The following SMARCD2 variants were observed in gnomAD, a reference collection of about 807,000 sequenced individuals.
SMARCD2 encodes the protein SWI/SNF-related matrix-associated actin-dependent regulator of chromatin subfamily D member 2.
A neutral mutation model predicts 70.4 loss-of-function variants in SMARCD2; 39 were observed. That is an observed-to-expected ratio of 0.55 (90% CI 0.43 to 0.72). The LOEUF (loss-of-function observed/expected upper bound fraction) is 0.72, where lower values mean the gene tolerates loss of function less well. Among genes scored for constraint, SMARCD2 ranks in the 30% least tolerant of loss-of-function variants. SMARCD2 has a pLI of 0.00. For synonymous variants in SMARCD2, 249 were observed against 279.4 expected (o/e 0.89, Z 1.08); for missense variants, 540 against 713.4 (o/e 0.76, Z 2.77).
In SMARCD2 at chr17:63,837,058, G is replaced by A. The variant is rs755843163; in HGVS notation, c.445-14C>T. 10 of 1,613,014 alleles carry A rather than the reference G, an allele frequency of 6.2e-6. No homozygotes were observed. The South Asian group carries it at 1.1e-4, about 18-fold the overall frequency. On this transcript the variant is annotated splice_polypyrimidine_tract_variant and intron_variant, in intron 3 of 12. Transcript: ENST00000448276. This position sits in a 1 kb window ranked among gnomAD's most constrained non-coding sequence, Gnocchi z 6.4. Reference sequence around the variant, plus strand: ...AAGCTCCCGGATCTGAAGGAAGGTAGCAGAAGCTCATCAGCTTGCTTCAGC... The same window carrying A: ...AAGCTCCCGGATCTGAAGGAAGGTAACAGAAGCTCATCAGCTTGCTTCAGC...
intron 1 of SMARCD2, among the ~76,000 whole-genome samples, chr17:63,840,131 A>G (rs1904399076): frequency 6.8e-6 from 1 of 146,278 alleles, no homozygotes; most frequent in Admixed American, 6.9e-5. Context: ...TCCGTATCAG[A>G]AAAAAAAAAA....
At chr17:63,842,360 T>C in intron 1 of SMARCD2, 99 bp downstream of exon 1, 14 of 1,203,008 alleles carry the variant, frequency 1.2e-5, no homozygotes, top group South Asian at 2.2e-5. Context: ...GAGTTCCTCA[T>C]GCATTCCCCA....
At position 63,832,855 on chromosome 17, in the gene SMARCD2, C is replaced by G; in HGVS notation, c.*83G>C. The G allele has an allele frequency of 8.5e-7, 1 of 1,172,420 alleles. No homozygotes were observed. Among genetic ancestry groups the G allele is most frequent in the Non-Finnish European group, 1.2e-6 (1 of 802,800 alleles). 72.6% of individuals were successfully genotyped at this position (1,172,420 alleles called of 1,614,324 possible). The stretch of plus-strand genomic sequence containing the variant: ...TGACAGCAGACACTCCTCACCCCAG[C>G]CTACGTGTCTGCGGCCCCAGCAAGG... On this transcript the variant is annotated 3_prime_UTR_variant, in exon 13 of 13. Coordinates refer to ENST00000448276, the MANE Select transcript of SMARCD2 (RefSeq NM_001098426.2).
In SMARCD2 at chr17:63,837,329, C is replaced by G. The variant is rs1440486999; in HGVS notation, c.402-92G>C. 6.6e-7 allele frequency: 1 copy of G among 1,508,116 alleles called. No homozygotes were observed. Among genetic ancestry groups the G allele is most frequent in the African/African-American group, 1.4e-5 (1 of 72,872 alleles). 93.4% of individuals were successfully genotyped at this position (1,508,116 alleles called of 1,614,324 possible). On this transcript the variant is annotated intron_variant, in intron 2 of 12. Transcript: ENST00000448276. The surrounding 1 kb of genome is among the most constrained non-coding windows in gnomAD (Gnocchi z 6.4). ...CCCTCCAGTCTCCAGGACCCTCTCC[C>G]CCAGGAGAGCCTGGAGTCATCCTCA...
chr17:63,836,743 A>G lies in SMARCD2; in HGVS notation c.567+179T>C, dbSNP rs1053727142. 3 of 609,428 alleles carry G rather than the reference A, an allele frequency of 4.9e-6. No individual in the cohort carries two copies. The African/African-American group carries it at 5.5e-5, about 11-fold the overall frequency. 37.8% of individuals were successfully genotyped at this position (609,428 alleles called of 1,614,324 possible). A position where few individuals can be genotyped will look rare whatever the true frequency, so the allele number is the denominator to read the frequency against. On this transcript the variant is annotated intron_variant, in intron 4 of 12. Coordinates refer to ENST00000448276, the MANE Select transcript of SMARCD2 (RefSeq NM_001098426.2). Reference sequence around the variant, plus strand: ...AAGTATTTTAAGATTTTCTACTGTCATATATTCATTTAAAACATACTGGCC... The same window carrying G: ...AAGTATTTTAAGATTTTCTACTGTCGTATATTCATTTAAAACATACTGGCC...
Position 63,832,210 on chromosome 17 carries a change from A to T in SMARCD2, c.*728T>A, listed in dbSNP as rs2040199636. 1 of 568,934 alleles carries T rather than the reference A, an allele frequency of 1.8e-6. No individual in the cohort carries two copies. The highest frequency in any genetic ancestry group is 1.9e-5 in the African/African-American group (1 of 53,184). 35.2% of individuals were successfully genotyped at this position (568,934 alleles called of 1,614,324 possible). ...TCCTCCCAGCCTCCCCATTCACCTTACCCTGGCCTCCACATGCACATACCC... is the reference window on the plus strand; with the variant it reads ...TCCTCCCAGCCTCCCCATTCACCTTTCCCTGGCCTCCACATGCACATACCC... On this transcript the variant is annotated 3_prime_UTR_variant, in exon 13 of 13. Coordinates refer to ENST00000448276, the MANE Select transcript of SMARCD2 (RefSeq NM_001098426.2).
chr17:63,842,482 C>T lies in SMARCD2; in HGVS notation c.193G>A (p.Ala65Thr), dbSNP rs1321810212. ...GAAAFRPMGP[A>T]GPAAQYQRPG... The stretch of plus-strand genomic sequence containing the variant: ...ACCTGGTACTGCGCCGCGGGGCCCG[C>T]GGGGCCCATGGGGCGGAAGGCGGCG... Residue 65 changes from alanine (A) to threonine (T), a missense_variant, in exon 1 of 13, where the codon GCG becomes ACG. Physicochemically the swap from Ala to Thr is moderately conservative, Grantham distance 58. Transcript: ENST00000448276. The T allele has an allele frequency of 4.8e-6, 6 of 1,250,394 alleles. No individual in the cohort carries two copies. The African/African-American group carries it at 6.3e-5, about 13-fold the overall frequency. 77.5% of individuals were successfully genotyped at this position (1,250,394 alleles called of 1,614,324 possible).
chr17:63,832,210 ACCCTG>A lies in SMARCD2; in HGVS notation c.*723_*727del. 1 of 569,052 alleles carries A rather than the reference ACCCTG, an allele frequency of 1.8e-6. No individual in the cohort carries two copies. Among genetic ancestry groups the A allele is most frequent in the South Asian group, 2.0e-5 (1 of 50,016 alleles). 35.3% of individuals were successfully genotyped at this position (569,052 alleles called of 1,614,324 possible). A position where few individuals can be genotyped will look rare whatever the true frequency, so the allele number is the denominator to read the frequency against. ...TCCTCCCAGCCTCCCCATTCACCTT[ACCCTG>A]GCCTCCACATGCACATACCCCATAC... On this transcript the variant is annotated 3_prime_UTR_variant, in exon 13 of 13. Coordinates refer to ENST00000448276, the MANE Select transcript of SMARCD2 (RefSeq NM_001098426.2).
rs972909853 is a variant in SMARCD2 at position 63,842,671 on chromosome 17, A to G, written c.4T>C (p.Ser2Pro). 27 of 1,307,076 alleles carry G rather than the reference A, an allele frequency of 2.1e-5. No homozygotes were observed. In the Admixed American group the frequency reaches 6.0e-4, roughly 29 times the overall value. The allele number at this position is 1,307,076 out of a possible 1,614,324, so 81.0% of individuals were successfully genotyped here. A position where few individuals can be genotyped will look rare whatever the true frequency, so the allele number is the denominator to read the frequency against. The stretch of plus-strand genomic sequence containing the variant: ...GGGAACCCGCCCGCGCCTCGGCCCG[A>G]CATCGCTCCGTCCCGTCCCGCGGTG... The part of the protein sequence containing the change: M[S>P]GRGAGGFPLP... Residue 2 changes from serine (S) to proline (P), a missense_variant, in exon 1 of 13, where the codon TCG becomes CCG. Physicochemically the swap from Ser to Pro is moderately conservative, Grantham distance 74. Transcript: ENST00000448276.
In SMARCD2 at chr17:63,833,564, A is replaced by C; in HGVS notation, c.1317+23T>G. ...CACCCCAATCCTGGGCCCCAGAGGA[A>C]GCTGTGGAGCCAGAGGGCCCACCTT... On this transcript the variant is annotated intron_variant, in intron 10 of 12. Coordinates refer to ENST00000448276, the MANE Select transcript of SMARCD2 (RefSeq NM_001098426.2). The surrounding 1 kb of genome is among the most constrained non-coding windows in gnomAD (Gnocchi z 4.3). 6.2e-7 allele frequency: 1 copy of C among 1,613,888 alleles called. No homozygotes were observed. The highest frequency in any genetic ancestry group is 1.3e-5 in the African/African-American group (1 of 75,036).
chr17:63,834,049 GTGGA>G lies in SMARCD2; in HGVS notation c.1084-47_1084-44del. 3 of 1,596,446 alleles carry G rather than the reference GTGGA, an allele frequency of 1.9e-6. No individual in the cohort carries two copies. Among genetic ancestry groups the G allele is most frequent in the Non-Finnish European group, 2.6e-6 (3 of 1,164,104 alleles). On this transcript the variant is annotated intron_variant, in intron 8 of 12. Transcript: ENST00000448276. This position sits in a 1 kb window ranked among gnomAD's most constrained non-coding sequence, Gnocchi z 5.6. ...GGCTCAGCGTTGGCTTGTGGGCACAGTGGAGTGGACCATTCCAGGACCAGTGAGG... is the reference window on the plus strand; with the variant it reads ...GGCTCAGCGTTGGCTTGTGGGCACAGGTGGACCATTCCAGGACCAGTGAGG...
intron 1 of SMARCD2, among the ~76,000 whole-genome samples, chr17:63,840,124 G>A (rs573392884): frequency 1.3e-5 from 2 of 151,290 alleles, no homozygotes; most frequent in African/African-American, 2.4e-5. Flanking sequence ...GTGAGACTCC[G>A]TATCAGAAAA....
rs1449053458 is a variant in SMARCD2, at chr17:63,835,474, T to G, written c.661A>C (p.Thr221Pro). 9.3e-6 allele frequency: 15 copies of G among 1,613,906 alleles called. No homozygotes were observed. The highest frequency in any genetic ancestry group is 1.2e-5 in the Non-Finnish European group (14 of 1,179,772). Residue 221 changes from threonine to proline, a missense_variant, in exon 5 of 13, where the codon ACC becomes CCC. Transcript: ENST00000448276. The stretch of plus-strand genomic sequence containing the variant: ...GAAGCCACCTTGTCCCCTGCTGGGG[T>G]TCCCCCAGGGGTCCCTGCAGTTCCT... The part of the protein sequence containing the change: ...SAGTAGTPGG[T>P]PAGDKVASWE...
chr17:63,832,205 ACC>A lies in SMARCD2; in HGVS notation c.*731_*732del. 3.5e-6 allele frequency: 2 copies of A among 575,370 alleles called. No homozygotes were observed. Among genetic ancestry groups the A allele is most frequent in the Admixed American group, 3.0e-5 (1 of 32,948 alleles). The allele number at this position is 575,370 out of a possible 1,614,324, so 35.6% of individuals were successfully genotyped here. A position where few individuals can be genotyped will look rare whatever the true frequency, so the allele number is the denominator to read the frequency against. On this transcript the variant is annotated 3_prime_UTR_variant, in exon 13 of 13. Coordinates refer to ENST00000448276, the MANE Select transcript of SMARCD2 (RefSeq NM_001098426.2). ...ACCAGTCCTCCCAGCCTCCCCATTCACCTTACCCTGGCCTCCACATGCACATA... is the reference window on the plus strand; with the variant it reads ...ACCAGTCCTCCCAGCCTCCCCATTCATTACCCTGGCCTCCACATGCACATA...
chr17:63,833,352 G>A lies in SMARCD2; in HGVS notation c.1386C>T (p.Thr462=), dbSNP rs753275042. Residue 462 remains threonine (T), a synonymous_variant, in exon 11 of 13, where the codon ACC becomes ACT. Transcript: ENST00000448276. This position sits in a 1 kb window ranked among gnomAD's most constrained non-coding sequence, Gnocchi z 4.3. ...ATTCCTGGATGAAGTCCTGGGGGTC[G>A]GTGCTAAAACTGAGCATGAAATCTC... ...TQRDFMLSFS[T]DPQDFIQEWL... The A allele has an allele frequency of 4.2e-5, 67 of 1,613,830 alleles. 2 individuals are homozygous for A. The highest frequency in any genetic ancestry group is 5.1e-5 in the Non-Finnish European group (60 of 1,179,878).
chr17:63,836,707 G>C, intron 4 of SMARCD2: 1 of 508,058 alleles, frequency 2.0e-6, no homozygotes, highest in Non-Finnish European at 3.5e-6. Context: ...ACTATGGTAA[G>C]TACTACTGTG....
In SMARCD2 at chr17:63,838,669, C is replaced by T. The variant is rs1037194018; in HGVS notation, c.217-1044G>A. ...CATCTGGGAGTCACCTCCACCCCCA[C>T]CCGCCTCCCCATGGCTGCTGCCTGC... On this transcript the variant is annotated intron_variant, in intron 1 of 12. Coordinates refer to ENST00000448276, the MANE Select transcript of SMARCD2 (RefSeq NM_001098426.2). The T allele has an allele frequency of 1.5e-5, 22 of 1,453,964 alleles. No homozygotes were observed. The African/African-American group carries it at 3.0e-4, about 20-fold the overall frequency. 90.1% of individuals were successfully genotyped at this position (1,453,964 alleles called of 1,614,324 possible). A position where few individuals can be genotyped will look rare whatever the true frequency, so the allele number is the denominator to read the frequency against.
intron 1 of SMARCD2, among the ~76,000 whole-genome samples, chr17:63,841,976 C>T (rs1904480806): frequency 6.6e-6 from 1 of 152,232 alleles, no homozygotes; most frequent in Non-Finnish European, 1.5e-5. Flanking sequence ...CAGGCTCCTT[C>T]CTCCTTATTA....
chr17:63,838,272 T>C (rs2040290937), intron 1 of SMARCD2, among the ~76,000 whole-genome samples: 1 of 151,910 alleles, frequency 6.6e-6, no homozygotes, highest in African/African-American at 2.4e-5. Context: ...TACCCTGTAG[T>C]CTGGTATCAC....
Sources: allele counts gnomAD v4.1 joint callset (sites outside exome capture counted in the v4.1 genomes callset), GRCh38; gene constraint gnomAD v4.1.1; non-coding constraint Gnocchi (gnomAD v3.1); transcripts MANE v1.5; gene names NCBI Gene and HGNC (gene_info 2026-07-23, HGNC 2026-07-21).